PRKCZ: variants seen among roughly 807,000 people sequenced by gnomAD.
The protein encoded by PRKCZ is protein kinase C zeta.
Under a neutral mutation model 79.5 loss-of-function variants are expected in PRKCZ, and 33 were observed. The ratio of observed to expected loss-of-function variants is 0.41; its 90% CI spans 0.31 to 0.55. The LOEUF (loss-of-function observed/expected upper bound fraction) is 0.55. Among genes scored for constraint, PRKCZ ranks in the 20% least tolerant of loss-of-function variants. The pLI is 0.19. For missense variants in PRKCZ, 578 were observed against 813.5 expected, an observed-to-expected ratio of 0.71 and a Z score of 3.52; for synonymous variants, 342 against 320.9, an observed-to-expected ratio of 1.07 and a Z score of -0.70.
chr1:2,103,098 C>T (rs1392607791), intron 4 of PRKCZ, among the ~76,000 whole-genome samples: 1 of 152,138 alleles, frequency 6.6e-6, no homozygotes, highest in Non-Finnish European at 1.5e-5. Flanking sequence ...TGGAATGCCC[C>T]AAGTGATTCT....
At chr1:2,065,766 C>T (rs1332585732) in intron 4 of PRKCZ, among the ~76,000 whole-genome samples, 1 of 150,992 alleles carries the variant, frequency 6.6e-6, no homozygotes, top group Non-Finnish European at 1.5e-5. Context: ...AGGTTTTCAT[C>T]ACTGAGTGTG....
At position 2,082,364 on chromosome 1, in the gene PRKCZ, C is replaced by G. The variant is rs1290005027; in HGVS notation, c.334+22773C>G. 1 of 455,416 alleles carries G rather than the reference C, an allele frequency of 2.2e-6. No individual in the cohort carries two copies. Among genetic ancestry groups the G allele is most frequent in the Non-Finnish European group, 4.4e-6 (1 of 226,796 alleles). The allele number at this position is 455,416 out of a possible 1,614,324, so 28.2% of individuals were successfully genotyped here. A position where few individuals can be genotyped will look rare whatever the true frequency, so the allele number is the denominator to read the frequency against. On this transcript the variant is annotated intron_variant, in intron 4 of 17. Coordinates refer to ENST00000378567, the MANE Select transcript of PRKCZ (RefSeq NM_002744.6). The surrounding 1 kb of genome is among the most constrained non-coding windows in gnomAD (Gnocchi z 4.4). ...CTCTTTCAAGTTGCCGGCTACCCGG[C>G]TGCCGTAGACAGAGTGAAGTCTGGT... is the stretch of plus-strand genomic sequence containing the variant.
At chr1:2,151,114 A>G (rs1193527167) in intron 9 of PRKCZ, 136 bp downstream of exon 9, 2 of 1,103,564 alleles carry the variant, frequency 1.8e-6, no homozygotes, top group Non-Finnish European at 2.5e-6. Flanking sequence ...ATCAATAGTC[A>G]TGCATCGTGT....
chr1:2,126,718 C>T (rs1673969757), intron 4 of PRKCZ, among the ~76,000 whole-genome samples: 1 of 152,222 alleles, frequency 6.6e-6, no homozygotes, highest in Non-Finnish European at 1.5e-5. Context: ...ACGAGGGGAC[C>T]TGAGGCTTGG....
At chr1:2,051,566 G>T (rs573397617) in intron 1 of PRKCZ, among the ~76,000 whole-genome samples, 1 of 152,240 alleles carries the variant, frequency 6.6e-6, no homozygotes, top group East Asian at 1.9e-4. Flanking sequence ...GCGGGCTCCG[G>T]ACTTGCACTG....
chr1:2,056,429 G>T lies in PRKCZ; in HGVS notation c.194-55G>T, dbSNP rs1571084091. The T allele has an allele frequency of 3.7e-5, 57 of 1,520,144 alleles. No homozygotes were observed. The East Asian group carries it at 1.3e-3, about 34-fold the overall frequency. 94.2% of individuals were successfully genotyped at this position (1,520,144 alleles called of 1,614,324 possible). A position where few individuals can be genotyped will look rare whatever the true frequency, so the allele number is the denominator to read the frequency against. On this transcript the variant is annotated intron_variant, in intron 2 of 17. Coordinates refer to ENST00000378567, the MANE Select transcript of PRKCZ (RefSeq NM_002744.6). ...TGGTGTGCTGAGCGGGCTCGTCACA[G>T]CCCCCTTTGCCTCGGGCCTTCGGCG...
At chr1:2,095,551 G>T (rs1290551892) in intron 4 of PRKCZ, among the ~76,000 whole-genome samples, 1 of 152,072 alleles carries the variant, frequency 6.6e-6, no homozygotes, top group Non-Finnish European at 1.5e-5. Flanking sequence ...GTTCAGAGAA[G>T]AGGGGGAGGA....
intron 4 of PRKCZ, among the ~76,000 whole-genome samples, chr1:2,087,767 C>G (rs1364444215): frequency 3.3e-5 from 5 of 152,148 alleles, no homozygotes; most frequent in African/African-American, 9.7e-5. Flanking sequence ...CCTTCCTGCT[C>G]CCCTAACCGG....
At chr1:2,114,789 GAAAAA>G (rs1300235588) in intron 4 of PRKCZ, among the ~76,000 whole-genome samples, 1 of 152,042 alleles carries the variant, frequency 6.6e-6, no homozygotes, top group Non-Finnish European at 1.5e-5. Context: ...AAAAGAAAAA[GAAAAA>G]GAAAAAGCTA....
intron 4 of PRKCZ, among the ~76,000 whole-genome samples, chr1:2,101,638 G>A (rs1293415607): frequency 2.0e-5 from 3 of 152,220 alleles, no homozygotes; most frequent in Admixed American, 2.0e-4. Flanking sequence ...CTGGGCTTCA[G>A]TTCCCCTTCC....
intron 4 of PRKCZ, among the ~76,000 whole-genome samples, chr1:2,097,611 A>G (rs1410027916): frequency 6.6e-6 from 1 of 151,670 alleles, no homozygotes; most frequent in Non-Finnish European, 1.5e-5. Context: ...CACGCCTCGC[A>G]CCCAGCTGTA....
At chr1:2,057,767 C>G (rs900541707) in intron 3 of PRKCZ, among the ~76,000 whole-genome samples, 1 of 152,142 alleles carries the variant, frequency 6.6e-6, no homozygotes, top group African/African-American at 2.4e-5. Context: ...TGCAGTGGCA[C>G]TATCTCTGTT....
At chr1:2,072,271 C>A (rs111858153) in intron 4 of PRKCZ, among the ~76,000 whole-genome samples, 3 of 152,234 alleles carry the variant, frequency 2.0e-5, no homozygotes, top group African/African-American at 7.2e-5. Context: ...GAGTCCACTC[C>A]GTGAATGCAG....
chr1:2,048,738 C>T (rs560332905), upstream of PRKCZ, among the ~76,000 whole-genome samples: 4 of 152,254 alleles, frequency 2.6e-5, no homozygotes, highest in East Asian at 7.7e-4. Context: ...GGGCCAAAGG[C>T]TGAGGCTGGG....
chr1:2,092,053 C>G (rs1423733702), intron 4 of PRKCZ, among the ~76,000 whole-genome samples: 1 of 152,148 alleles, frequency 6.6e-6, no homozygotes, highest in Non-Finnish European at 1.5e-5. Flanking sequence ...CGAATCTGTC[C>G]TTGCTGCCAC....
At chr1:2,077,859 G>A (rs1035983638) in intron 4 of PRKCZ, among the ~76,000 whole-genome samples, 4 of 152,230 alleles carry the variant, frequency 2.6e-5, no homozygotes, top group African/African-American at 9.7e-5. Flanking sequence ...TCCTCCTGAT[G>A]GAGTTATGTC....
At chr1:2,062,966 G>A (rs1028033438) in intron 4 of PRKCZ, among the ~76,000 whole-genome samples, 5 of 151,364 alleles carry the variant, frequency 3.3e-5, no homozygotes, top group East Asian at 2.0e-4. Flanking sequence ...CCCACCCGCC[G>A]CTTTCTGTTT....
intron 5 of PRKCZ, among the ~76,000 whole-genome samples, chr1:2,138,529 A>G (rs1375918819): frequency 1.3e-5 from 2 of 152,198 alleles, no homozygotes; most frequent in African/African-American, 2.4e-5. Context: ...ATCCTCCAGT[A>G]AATCCTGAGG....
chr1:2,144,478 G>T, intron 6 of PRKCZ, 137 bp downstream of exon 6: 2 of 1,457,650 alleles, frequency 1.4e-6, no homozygotes, highest in South Asian at 2.8e-5. Flanking sequence ...CTGGGCTGCA[G>T]CGTGAGACTC....
Sources: allele counts gnomAD v4.1 joint callset (sites outside exome capture counted in the v4.1 genomes callset), GRCh38; gene constraint gnomAD v4.1.1; non-coding constraint Gnocchi (gnomAD v3.1); transcripts MANE v1.5; gene names NCBI Gene and HGNC (gene_info 2026-07-23, HGNC 2026-07-21).